The following PDLIM5 variants were observed in gnomAD, a reference collection of about 807,000 sequenced individuals.
The protein encoded by PDLIM5 is PDZ and LIM domain protein 5.
Under a neutral mutation model 64.2 loss-of-function variants are expected in PDLIM5, and 34 were observed. The observed-to-expected ratio is 0.53, with a 90% confidence interval of 0.40 to 0.71. The LOEUF (loss-of-function observed/expected upper bound fraction) is 0.71. PDLIM5 is among the 30% of genes least tolerant of loss of function. The pLI is 0.00. For synonymous variants in PDLIM5, 253 were observed against 269.1 expected, an observed-to-expected ratio of 0.94 and a Z score of 0.59; for missense variants, 683 against 733.6, an observed-to-expected ratio of 0.93 and a Z score of 0.80.
chr4:94,520,890 G>A (rs1729772036), intron 2 of PDLIM5, among the ~76,000 whole-genome samples: 1 of 152,210 alleles, frequency 6.6e-6, no homozygotes, highest in African/African-American at 2.4e-5. Context: ...ATATATGAAA[G>A]ATTGTTCAGA....
At chr4:94,528,051 G>A (rs1280032233) in intron 3 of PDLIM5, among the ~76,000 whole-genome samples, 3 of 152,066 alleles carry the variant, frequency 2.0e-5, no homozygotes, top group South Asian at 2.1e-4. Flanking sequence ...CTTTGTAATC[G>A]AGTCCTCCTC....
intron 2 of PDLIM5, among the ~76,000 whole-genome samples, chr4:94,497,161 T>C (rs190294417): frequency 5.7e-4 from 87 of 152,356 alleles, no homozygotes; most frequent in African/African-American, 2.0e-3. Flanking sequence ...CTTTGTCCTA[T>C]GTATTATCTA....
chr4:94,562,303 T>G (rs1442572960), intron 3 of PDLIM5, among the ~76,000 whole-genome samples: 3 of 152,164 alleles, frequency 2.0e-5, no homozygotes, highest in African/African-American at 4.8e-5. Flanking sequence ...AGCTAGTTTG[T>G]TTTTGTTTTG....
chr4:94,596,075 A>G (rs146662034), intron 7 of PDLIM5, among the ~76,000 whole-genome samples: 148 of 152,288 alleles, frequency 9.7e-4, no homozygotes, highest in African/African-American at 3.0e-3. Flanking sequence ...GCTGACTACA[A>G]TGTAAAGGTC....
chr4:94,598,227 A>G (rs1348948644), intron 7 of PDLIM5, among the ~76,000 whole-genome samples: 2 of 152,142 alleles, frequency 1.3e-5, no homozygotes, highest in African/African-American at 2.4e-5. Context: ...CCTAAATATC[A>G]AAGGAGAAGT....
intron 3 of PDLIM5, among the ~76,000 whole-genome samples, chr4:94,557,504 C>T (rs1329953615): frequency 6.6e-6 from 1 of 152,126 alleles, no homozygotes; most frequent in African/African-American, 2.4e-5. Flanking sequence ...GGCAGTATGG[C>T]CATTTTCACG....
chr4:94,632,280 G>T (rs539549257), intron 8 of PDLIM5, among the ~76,000 whole-genome samples: 1 of 152,186 alleles, frequency 6.6e-6, no homozygotes, highest in African/African-American at 2.4e-5. Context: ...GCCTCATTTC[G>T]TGATTCTACA....
At chr4:94,548,756 C>T (rs908432953) in intron 3 of PDLIM5, among the ~76,000 whole-genome samples, 23 of 152,104 alleles carry the variant, frequency 1.5e-4, no homozygotes, top group African/African-American at 4.8e-4. Context: ...TAGTATAGTT[C>T]ACAGATAAAT....
chr4:94,641,686 T>C (rs1294447441), intron 9 of PDLIM5, among the ~76,000 whole-genome samples: 1 of 152,248 alleles, frequency 6.6e-6, no homozygotes, highest in African/African-American at 2.4e-5. Context: ...CCTAATACAG[T>C]ATTTTGTAAG....
intron 8 of PDLIM5, among the ~76,000 whole-genome samples, chr4:94,627,778 A>G (rs1452989045): frequency 6.6e-6 from 1 of 152,234 alleles, no homozygotes; most frequent in Non-Finnish European, 1.5e-5. Flanking sequence ...AAGAATAACA[A>G]TGCTTGATAA....
chr4:94,489,991 A>G (rs915481446), intron 2 of PDLIM5, among the ~76,000 whole-genome samples: 6 of 151,934 alleles, frequency 3.9e-5, no homozygotes, highest in Non-Finnish European at 8.8e-5. Context: ...GATGTAACAT[A>G]TTTATGCATC....
chr4:94,600,460 A>G (rs968345890), intron 7 of PDLIM5, among the ~76,000 whole-genome samples: 1 of 152,170 alleles, frequency 6.6e-6, no homozygotes, highest in African/African-American at 2.4e-5. Flanking sequence ...ATTCAGACGT[A>G]TTCTTTTATA....
At chr4:94,455,541 G>C (rs1016436628) in intron 2 of PDLIM5, 157 bp downstream of exon 2, 1 of 656,006 alleles carries the variant, frequency 1.5e-6, no homozygotes, top group East Asian at 2.7e-5. Flanking sequence ...AGGATGAGGG[G>C]AGTAGATTTA....
At chr4:94,498,754 G>A (rs1727636643) in intron 2 of PDLIM5, among the ~76,000 whole-genome samples, 1 of 152,190 alleles carries the variant, frequency 6.6e-6, no homozygotes, top group Non-Finnish European at 1.5e-5. Flanking sequence ...CATAAGTAAA[G>A]TTTTGAGGGT....
intron 2 of PDLIM5, among the ~76,000 whole-genome samples, chr4:94,471,738 A>C (rs992398401): frequency 6.6e-6 from 1 of 152,180 alleles, no homozygotes; most frequent in Non-Finnish European, 1.5e-5. Context: ...AAATATTTGC[A>C]TCATAGGATT....
chr4:94,505,215 G>T (rs1183971809), intron 2 of PDLIM5, among the ~76,000 whole-genome samples: 3 of 151,830 alleles, frequency 2.0e-5, no homozygotes, highest in African/African-American at 7.3e-5. Flanking sequence ...CAGATTGAGG[G>T]TTCAGTCCTA....
At chr4:94,584,996 C>A in intron 5 of PDLIM5, 1 of 1,523,516 alleles carries the variant, frequency 6.6e-7, no homozygotes, top group Non-Finnish European at 9.1e-7. Flanking sequence ...GAAAATCCCA[C>A]CTAAACGGTA....
intron 8 of PDLIM5, among the ~76,000 whole-genome samples, chr4:94,625,554 G>A (rs1053584340): frequency 1.3e-5 from 2 of 151,288 alleles, no homozygotes; most frequent in Admixed American, 6.6e-5. Context: ...CCAGGTTCAC[G>A]CCATTCTCCT....
chr4:94,642,778 A>C (rs1419771937), intron 9 of PDLIM5, among the ~76,000 whole-genome samples: 1 of 152,160 alleles, frequency 6.6e-6, no homozygotes, highest in Non-Finnish European at 1.5e-5. Context: ...TACTTAACCA[A>C]AGCAAGAAGA....
Sources: allele counts gnomAD v4.1 joint callset (sites outside exome capture counted in the v4.1 genomes callset), GRCh38; gene constraint gnomAD v4.1.1; transcripts MANE v1.5; gene names NCBI Gene and HGNC (gene_info 2026-07-23, HGNC 2026-07-21).